Variants in DGKI observed in about 807,000 individuals in gnomAD.
DGKI encodes diacylglycerol kinase iota.
In DGKI, 55 loss-of-function variants were observed where a neutral mutation model predicts 147.5. The observed-to-expected ratio is 0.37, with a 90% CI of 0.30 to 0.47. The LOEUF is 0.47. Ranked by LOEUF, DGKI falls within the 20% of genes least tolerant of loss-of-function variation. The pLI is 1.00. For missense variants in DGKI, 1,007 were observed against 1,323.8 expected (o/e 0.76, Z 3.71); for synonymous variants, 469 against 477.1 (o/e 0.98, Z 0.22).
At chr7:137,795,924 A>C (rs1390463865) in intron 1 of DGKI, among the ~76,000 whole-genome samples, 2 of 152,224 alleles carry the variant, frequency 1.3e-5, no homozygotes, top group Non-Finnish European at 2.9e-5. Flanking sequence ...ACAACAAAGA[A>C]CACAGACTTT....
Position 137,635,647 on chromosome 7 carries a change from G to T in DGKI, c.804+9825C>A, listed in dbSNP as rs1012074309. On this transcript the variant is annotated intron_variant, in intron 6 of 32. Coordinates refer to ENST00000614521, the MANE Select transcript of DGKI (RefSeq NM_001321708.2). Reference sequence around the variant, plus strand: ...GGCCTACACCATCCAGAAGATGAAGGCCTGACAGAGAGATGGAATAATCTT... The same window carrying T: ...GGCCTACACCATCCAGAAGATGAAGTCCTGACAGAGAGATGGAATAATCTT... 3.3e-5 allele frequency among the ~76,000 whole-genome samples: 5 copies of T among 152,206 alleles called. No individual in the cohort carries two copies. In the East Asian group the frequency reaches 5.8e-4, roughly 18 times the overall value.
chr7:137,432,998 T>C (rs1212193810), intron 28 of DGKI, among the ~76,000 whole-genome samples: 1 of 152,152 alleles, frequency 6.6e-6, no homozygotes, highest in East Asian at 1.9e-4. Flanking sequence ...TGCTTGGGAA[T>C]GGATGTTACA....
At chr7:137,694,376 T>C (rs1320947701) in intron 1 of DGKI, among the ~76,000 whole-genome samples, 1 of 152,140 alleles carries the variant, frequency 6.6e-6, no homozygotes, top group Admixed American at 6.5e-5. Flanking sequence ...GATACCCTTT[T>C]CTAATTACCC....
chr7:137,630,032 T>C (rs747464570), intron 6 of DGKI, among the ~76,000 whole-genome samples: 12 of 152,198 alleles, frequency 7.9e-5, no homozygotes, highest in African/African-American at 2.4e-4. Flanking sequence ...AATGTAAACA[T>C]ATATATTCAT....
intron 1 of DGKI, among the ~76,000 whole-genome samples, chr7:137,785,843 C>A (rs1487159032): frequency 6.6e-6 from 1 of 152,014 alleles, no homozygotes; most frequent in Non-Finnish European, 1.5e-5. Context: ...AAGTGTGATA[C>A]ACCACTAACA....
At chr7:137,827,376 C>A (rs893586371) in intron 1 of DGKI, among the ~76,000 whole-genome samples, 1 of 152,210 alleles carries the variant, frequency 6.6e-6, no homozygotes, top group African/African-American at 2.4e-5. Flanking sequence ...TTATCTTCCA[C>A]TCTATCCTTA....
intron 12 of DGKI, among the ~76,000 whole-genome samples, chr7:137,588,812 A>G (rs1009725519): frequency 1.3e-5 from 2 of 152,160 alleles, no homozygotes; most frequent in African/African-American, 4.8e-5. Flanking sequence ...GCCTGAGCAA[A>G]GTCCTTTAAT....
At chr7:137,608,747 T>C (rs1376657421) in intron 10 of DGKI, among the ~76,000 whole-genome samples, 1 of 152,222 alleles carries the variant, frequency 6.6e-6, no homozygotes, top group East Asian at 1.9e-4. Flanking sequence ...GCCTTTGTTA[T>C]AGTCTTATAT....
intron 1 of DGKI, among the ~76,000 whole-genome samples, chr7:137,797,807 TAGA>T (rs1334087515): frequency 2.0e-5 from 3 of 151,258 alleles, no homozygotes; most frequent in East Asian, 3.9e-4. Flanking sequence ...CTTAAGAAAC[TAGA>T]AGAAGAAAAA....
intron 5 of DGKI, among the ~76,000 whole-genome samples, chr7:137,652,731 C>T (rs919951970): frequency 1.3e-5 from 2 of 152,224 alleles, no homozygotes; most frequent in Non-Finnish European, 2.9e-5. Context: ...CCAACCTACT[C>T]TCTTTCCACA....
chr7:137,512,776 A>T (rs1236017513), intron 21 of DGKI, among the ~76,000 whole-genome samples: 1 of 152,190 alleles, frequency 6.6e-6, no homozygotes, highest in Admixed American at 6.6e-5. Flanking sequence ...GCACAGCACC[A>T]GAGCATATTT....
In DGKI at chr7:137,382,241, T is replaced by A. The variant is rs1456374366; in HGVS notation, c.*8979A>T. 1 of 152,118 alleles carries A rather than the reference T, an allele frequency of 6.6e-6. No individual in the cohort carries two copies. The highest frequency in any genetic ancestry group is 1.9e-4 in the East Asian group (1 of 5,196). 9.4% of individuals were successfully genotyped at this position (152,118 alleles called of 1,614,324 possible). Reference sequence around the variant, plus strand: ...TTTGTAAACATATATCTATCATTTTTAAGAGGAAAATGTATATTTAAACCC... The same window carrying A: ...TTTGTAAACATATATCTATCATTTTAAAGAGGAAAATGTATATTTAAACCC... On this transcript the variant is annotated 3_prime_UTR_variant, in exon 33 of 33. Transcript: ENST00000614521.
At chr7:137,455,206 C>T (rs931927659) in intron 27 of DGKI, among the ~76,000 whole-genome samples, 2 of 152,052 alleles carry the variant, frequency 1.3e-5, no homozygotes, top group African/African-American at 4.8e-5. Flanking sequence ...AACATCTCCT[C>T]CCACCCCACC....
rs3800646 is a variant in DGKI at position 137,738,734 on chromosome 7, C to T, written c.402-48732G>A. ...CAGAGAAGATGAGGTTCCCCCCCCC[C>T]CTTTCCTTTTCATATCCGATTTACT... is the stretch of plus-strand genomic sequence containing the variant. On this transcript the variant is annotated intron_variant, in intron 1 of 32. Coordinates refer to ENST00000614521, the MANE Select transcript of DGKI (RefSeq NM_001321708.2). Among the ~76,000 whole-genome samples the T allele has an allele frequency of 2.2e-3, 330 of 150,150 alleles. 1 individual carries two copies. Among genetic ancestry groups the T allele is most frequent in the Non-Finnish European group, 3.7e-3 (253 of 67,522 alleles).
chr7:137,617,180 G>A (rs557263593), intron 8 of DGKI, among the ~76,000 whole-genome samples: 2 of 144,620 alleles, frequency 1.4e-5, no homozygotes, highest in East Asian at 4.1e-4. Flanking sequence ...TTGAGTCTCT[G>A]GGTCTAAATA....
chr7:137,745,126 T>C (rs755732102), intron 1 of DGKI, among the ~76,000 whole-genome samples: 2 of 152,114 alleles, frequency 1.3e-5, no homozygotes. Context: ...ATAAAAAAAA[T>C]GTAGTGCAGC....
chr7:137,748,633 GC>G (rs915814159), intron 1 of DGKI, among the ~76,000 whole-genome samples: 6 of 152,136 alleles, frequency 3.9e-5, no homozygotes, highest in African/African-American at 2.4e-5. Context: ...AAAAGAGGAA[GC>G]CATGGGGAAC....
chr7:137,638,527 C>T lies in DGKI; in HGVS notation c.804+6945G>A, dbSNP rs1394771103. Among the ~76,000 whole-genome samples the T allele has an allele frequency of 3.3e-3, 305 of 93,806 alleles. 36 individuals carry two copies. Among genetic ancestry groups the T allele is most frequent in the African/African-American group, 0.015 (273 of 18,300 alleles). The allele number at this position is 93,806 out of a possible 152,430, so 61.5% of individuals were successfully genotyped here. A position where few individuals can be genotyped will look rare whatever the true frequency, so the allele number is the denominator to read the frequency against. On this transcript the variant is annotated intron_variant, in intron 6 of 32. Coordinates refer to ENST00000614521, the MANE Select transcript of DGKI (RefSeq NM_001321708.2). ...GTATATATATGTGTGTATATATATA[C>T]ACACACATATATGTATATATATGTG...
intron 1 of DGKI, among the ~76,000 whole-genome samples, chr7:137,700,175 G>C (rs2116506468): frequency 1.3e-5 from 2 of 152,308 alleles, no homozygotes; most frequent in East Asian, 3.9e-4. Flanking sequence ...ATCAGTGCCA[G>C]TTGTATCAGT....
Sources: allele counts gnomAD v4.1 joint callset (sites outside exome capture counted in the v4.1 genomes callset), GRCh38; gene constraint gnomAD v4.1.1; transcripts MANE v1.5; gene names NCBI Gene and HGNC (gene_info 2026-07-23, HGNC 2026-07-21).